The following SYT14 variants were observed in gnomAD, a reference collection of about 807,000 sequenced individuals.
The protein encoded by SYT14 is synaptotagmin 14, also known as synaptotagmin-14.
In SYT14, 32 loss-of-function variants were observed where a neutral mutation model predicts 74.2. The ratio of observed to expected loss-of-function variants is 0.43; its 90% CI spans 0.33 to 0.58. The LOEUF is 0.58. Ranked by LOEUF, SYT14 falls within the 20% of genes least tolerant of loss-of-function variation. The probability of loss-of-function intolerance (pLI) is 0.05; values close to 1 mark genes in which losing one functional copy is unlikely to be tolerated. For missense variants in SYT14, 791 were observed against 981.8 expected, an observed-to-expected ratio of 0.81 and a Z score of 2.60; for synonymous variants, 298 against 337.7, an observed-to-expected ratio of 0.88 and a Z score of 1.29.
chr1:209,982,207 G>A (rs916415361), intron 2 of SYT14, among the ~76,000 whole-genome samples: 1 of 152,034 alleles, frequency 6.6e-6, no homozygotes, highest in African/African-American at 2.4e-5. Context: ...CCAAGCTGGA[G>A]TGCAGTGGCG....
intron 9 of SYT14, 21 bp downstream of exon 8, chr1:210,159,498 A>C: frequency 6.4e-7 from 1 of 1,550,578 alleles, no homozygotes. Context: ...GTAGAGGCTA[A>C]TTGGATGTTG....
chr1:210,049,389 C>CTT (rs112176538), intron 5 of SYT14, among the ~76,000 whole-genome samples: 162 of 136,018 alleles, frequency 1.2e-3, no homozygotes, highest in African/African-American at 3.9e-3. Flanking sequence ...AACACCAATT[C>CTT]TTTTTTTTTT....
intron 5 of SYT14, among the ~76,000 whole-genome samples, chr1:210,062,583 G>T (rs1019072033): frequency 2.0e-5 from 3 of 151,722 alleles, no homozygotes; most frequent in African/African-American, 7.3e-5. Flanking sequence ...CCATCAACAC[G>T]TCCATTTTGA....
At chr1:210,069,224 T>G (rs913716534) in intron 5 of SYT14, among the ~76,000 whole-genome samples, 1 of 151,972 alleles carries the variant, frequency 6.6e-6, no homozygotes, top group African/African-American at 2.4e-5. Flanking sequence ...TAATATCTAT[T>G]GTATCCAACA....
At chr1:210,102,031 G>C (rs1407765939) in intron 7 of SYT14, among the ~76,000 whole-genome samples, 1 of 152,058 alleles carries the variant, frequency 6.6e-6, no homozygotes, top group Non-Finnish European at 1.5e-5. Context: ...ATCTTTTTCT[G>C]CCAACCAGTA....
At chr1:209,996,723 A>G (rs1056341443) in intron 2 of SYT14, among the ~76,000 whole-genome samples, 26 of 152,202 alleles carry the variant, frequency 1.7e-4, no homozygotes, top group Admixed American at 4.6e-4. Context: ...TCGGCAAAAT[A>G]CTAGCAAATC....
At chr1:210,143,475 T>G (rs1011428947) in intron 7 of SYT14, among the ~76,000 whole-genome samples, 6 of 152,172 alleles carry the variant, frequency 3.9e-5, no homozygotes, top group African/African-American at 1.4e-4. Context: ...GTATATTATA[T>G]TCATTTGCTC....
intron 5 of SYT14, among the ~76,000 whole-genome samples, chr1:210,093,287 G>A (rs534422421): frequency 3.9e-5 from 6 of 152,028 alleles, no homozygotes; most frequent in African/African-American, 1.4e-4. Context: ...TATTTGAACT[G>A]AACTCCATAA....
At chr1:209,995,976 G>A (rs1054389915) in intron 2 of SYT14, among the ~76,000 whole-genome samples, 13 of 152,108 alleles carry the variant, frequency 8.5e-5, no homozygotes, top group African/African-American at 3.1e-4. Flanking sequence ...TGCAGCTAAA[G>A]TAGTTTTAAG....
intron 1 of SYT14, among the ~76,000 whole-genome samples, chr1:209,948,622 G>A (rs901387081): frequency 1.2e-4 from 18 of 152,036 alleles, no homozygotes; most frequent in African/African-American, 3.9e-4. Flanking sequence ...AAACAATTTC[G>A]TAACTTTCAT....
At chr1:210,016,714 A>T (rs567714298) in exon 4 of SYT14, 2 of 1,231,904 alleles carry the variant, frequency 1.6e-6, no homozygotes, top group East Asian at 6.3e-5. Flanking sequence ...ATTTGGGAAG[A>T]GATCAAGAGA....
At chr1:210,100,418 A>G (rs1269789012) in exon 7 of SYT14, 7 of 1,613,484 alleles carry the variant, frequency 4.3e-6, no homozygotes, top group Non-Finnish European at 5.9e-6. Flanking sequence ...CTTCAAGGGA[A>G]AATGTCATTG....
intron 2 of SYT14, among the ~76,000 whole-genome samples, chr1:209,997,998 T>A (rs1388791225): frequency 1.3e-5 from 2 of 152,178 alleles, no homozygotes; most frequent in Non-Finnish European, 2.9e-5. Context: ...AGTAATTTTT[T>A]AAAACCATAT....
chr1:210,048,025 C>T (rs1489876923), intron 5 of SYT14, among the ~76,000 whole-genome samples: 1 of 152,122 alleles, frequency 6.6e-6, no homozygotes, highest in Admixed American at 6.5e-5. Flanking sequence ...GACCTTTTTC[C>T]ACTTTTTCGG....
chr1:209,938,218 T>TC, exon 1 of SYT14: 1 of 1,512,780 alleles, frequency 6.6e-7, no homozygotes. Context: ...AGCCCTCGCG[T>TC]CTGCTGCCCC....
At chr1:210,064,612 T>A (rs907004555) in intron 5 of SYT14, among the ~76,000 whole-genome samples, 3 of 152,096 alleles carry the variant, frequency 2.0e-5, no homozygotes, top group African/African-American at 4.8e-5. Flanking sequence ...TTTTTGTGGC[T>A]GAATAATATT....
chr1:209,995,892 C>T (rs530729540), intron 2 of SYT14, among the ~76,000 whole-genome samples: 1 of 152,016 alleles, frequency 6.6e-6, no homozygotes, highest in East Asian at 1.9e-4. Context: ...CCTGTGGGAA[C>T]GTTGAAATTA....
chr1:210,128,170 C>T (rs113722182), intron 7 of SYT14, among the ~76,000 whole-genome samples: 274 of 152,132 alleles, frequency 1.8e-3, no homozygotes, highest in African/African-American at 5.6e-3. Flanking sequence ...GTCAGAAGTT[C>T]GAGACCAACC....
At chr1:209,975,051 C>T (rs372150383) in intron 2 of SYT14, among the ~76,000 whole-genome samples, 1 of 152,248 alleles carries the variant, frequency 6.6e-6, no homozygotes, top group East Asian at 1.9e-4. Flanking sequence ...GTGATTTTTG[C>T]ACATTGATTT....
Sources: allele counts gnomAD v4.1 joint callset (sites outside exome capture counted in the v4.1 genomes callset), GRCh38; gene constraint gnomAD v4.1.1; transcripts MANE v1.5; gene names NCBI Gene and HGNC (gene_info 2026-07-23, HGNC 2026-07-21).